Variants in ZFP14 observed in about 807,000 individuals in gnomAD.
ZFP14 encodes ZFP14 zinc finger protein, also known as zinc finger protein 14 homolog.
ZFP14 carries 22 observed loss-of-function variants against 54.5 expected under a neutral mutation model. The ratio of observed to expected loss-of-function variants is 0.40; its 90% CI spans 0.29 to 0.58. The LOEUF is 0.58. ZFP14 is among the 20% of genes least tolerant of loss of function. ZFP14 has a pLI of 0.39. For missense variants in ZFP14, 470 were observed against 637.8 expected, an observed-to-expected ratio of 0.74 and a Z score of 2.83; for synonymous variants, 159 against 204.0, an observed-to-expected ratio of 0.78 and a Z score of 1.88.
rs1279407551 is a variant in ZFP14, at chr19:36,353,442, TG to T, written c.235+6992del. ...TAGGCCGGGTGTGGTGGCTCACGCCTGTAATTCCAGCACTTTGGGAGGCCGA... is the reference window on the plus strand; with the variant it reads ...TAGGCCGGGTGTGGTGGCTCACGCCTTAATTCCAGCACTTTGGGAGGCCGA... On this transcript the variant is annotated intron_variant, in intron 4 of 4. Transcript: ENST00000270001. Among the ~76,000 whole-genome samples the T allele has an allele frequency of 1.4e-5, 2 of 142,802 alleles. 1 individual carries two copies. The highest frequency in any genetic ancestry group is 3.1e-5 in the Non-Finnish European group (2 of 64,396). The allele number at this position is 142,802 out of a possible 152,430, so 93.7% of individuals were successfully genotyped here.
rs985517022 is a variant in ZFP14, at chr19:36,336,702, TACC to T, written c.*3519_*3521del. The T allele has an allele frequency of 1.3e-5, 2 of 152,252 alleles. No individual in the cohort carries two copies. Among genetic ancestry groups the T allele is most frequent in the African/African-American group, 4.8e-5 (2 of 41,476 alleles). The allele number at this position is 152,252 out of a possible 1,614,324, so 9.4% of individuals were successfully genotyped here. On this transcript the variant is annotated 3_prime_UTR_variant, in exon 5 of 5. Coordinates refer to ENST00000270001, the MANE Select transcript of ZFP14 (RefSeq NM_020917.3). ...ACTGTATCCACAAATAAGATTTCCT[TACC>T]ACATTACAGGGCATTAATTTGTCAC...
At chr19:36,368,050 T>C in intron 1 of ZFP14, 79 bp from the exon 2 acceptor site, 1 of 790,238 alleles carries the variant, frequency 1.3e-6, no homozygotes, top group South Asian at 2.7e-5. Context: ...ATATGAAAAC[T>C]TTTTTCTCTT....
chr19:36,363,189 C>CTTTTCTTTTTTTTTTTTTTTT (rs1555755935), intron 2 of ZFP14, among the ~76,000 whole-genome samples: 4 of 97,752 alleles, frequency 4.1e-5, no homozygotes, highest in African/African-American at 7.9e-5. Context: ...CTTTTCTTTT[C>CTTTTCTTTTTTTTTTTTTTTT]TTTTTTTTTT....
At chr19:36,368,407 G>A (rs976872188) in intron 1 of ZFP14, among the ~76,000 whole-genome samples, 11 of 152,208 alleles carry the variant, frequency 7.2e-5, no homozygotes, top group Non-Finnish European at 1.6e-4. Context: ...GGCGGAGGTT[G>A]CGGTGAGCTG....
At chr19:36,351,714 C>T (rs1258150868) in intron 4 of ZFP14, among the ~76,000 whole-genome samples, 3 of 139,556 alleles carry the variant, frequency 2.1e-5, no homozygotes, top group Admixed American at 7.5e-5. Flanking sequence ...AACAAATTAG[C>T]CGGGCATGGT....
intron 1 of ZFP14, among the ~76,000 whole-genome samples, chr19:36,373,375 G>A (rs889423016): frequency 2.6e-5 from 4 of 152,104 alleles, no homozygotes; most frequent in Admixed American, 1.3e-4. Flanking sequence ...CAGAATCTGG[G>A]GTAGTTGGGG....
chr19:36,357,054 T>G (rs1481987864), intron 4 of ZFP14, among the ~76,000 whole-genome samples: 3 of 152,146 alleles, frequency 2.0e-5, no homozygotes, highest in Non-Finnish European at 4.4e-5. Flanking sequence ...TTTTATTTAT[T>G]TATTTTGAGA....
At chr19:36,378,104 A>C (rs1168510279) in intron 1 of ZFP14, 1 of 152,190 alleles carries the variant, frequency 6.6e-6, no homozygotes, top group African/African-American at 2.4e-5. Flanking sequence ...GACGAGAGAG[A>C]CGAGAAAAGC....
chr19:36,344,110 C>A (rs553157966), intron 4 of ZFP14, among the ~76,000 whole-genome samples: 47 of 152,290 alleles, frequency 3.1e-4, no homozygotes, highest in African/African-American at 1.1e-3. Flanking sequence ...TCAAGTAATT[C>A]TCCTGCCTCA....
intron 4 of ZFP14, among the ~76,000 whole-genome samples, chr19:36,357,040 A>G (rs966658291): frequency 2.0e-5 from 3 of 151,934 alleles, no homozygotes; most frequent in Admixed American, 6.6e-5. Context: ...CTAATGTCTT[A>G]ATTTTTTATT....
At chr19:36,350,028 G>A (rs1386775539) in intron 4 of ZFP14, among the ~76,000 whole-genome samples, 5 of 140,144 alleles carry the variant, frequency 3.6e-5, no homozygotes, top group African/African-American at 1.3e-4. Context: ...GTAGCTGGGT[G>A]TGGTGGTGCT....
intron 2 of ZFP14, among the ~76,000 whole-genome samples, chr19:36,364,054 A>T (rs1246643738): frequency 6.6e-6 from 1 of 151,886 alleles, no homozygotes; most frequent in Non-Finnish European, 1.5e-5. Flanking sequence ...CACATCCTGT[A>T]AAAATACACA....
At chr19:36,358,084 C>CTATG (rs760887351) in intron 4 of ZFP14, among the ~76,000 whole-genome samples, 1 of 146,350 alleles carries the variant, frequency 6.8e-6, no homozygotes, top group African/African-American at 2.5e-5. Flanking sequence ...ATCTATCTAT[C>CTATG]TATCTATCAT....
At chr19:36,353,794 C>G (rs2031568889) in intron 4 of ZFP14, among the ~76,000 whole-genome samples, 1 of 141,184 alleles carries the variant, frequency 7.1e-6, no homozygotes, top group Admixed American at 7.4e-5. Context: ...TCAGATGCAG[C>G]TGAGTGCAGT....
chr19:36,357,466 T>C (rs1006466757), intron 4 of ZFP14, among the ~76,000 whole-genome samples: 1 of 152,240 alleles, frequency 6.6e-6, no homozygotes, highest in Non-Finnish European at 1.5e-5. Flanking sequence ...GTAGCTTTTA[T>C]ATGTAGGTCT....
At chr19:36,363,969 G>A (rs532998564) in intron 2 of ZFP14, among the ~76,000 whole-genome samples, 3 of 150,820 alleles carry the variant, frequency 2.0e-5, no homozygotes, top group Non-Finnish European at 4.4e-5. Context: ...CAGCCTAGGC[G>A]ACAGAGTAAG....
chr19:36,362,246 A>C lies in ZFP14; in HGVS notation c.10-8T>G. The C allele has an allele frequency of 6.3e-7, 1 of 1,581,608 alleles. No individual in the cohort carries two copies. The highest frequency in any genetic ancestry group is 1.2e-5 in the South Asian group (1 of 85,372). ...CCTGAATGTCACTGAACCCTGAAAA[A>C]ACAAACTCAGGTATTACTTGTGAAA... On this transcript the variant is annotated splice_polypyrimidine_tract_variant and splice_region_variant and intron_variant, in intron 2 of 4. Transcript: ENST00000270001.
intron 1 of ZFP14, among the ~76,000 whole-genome samples, chr19:36,375,693 G>A (rs1157399702): frequency 6.6e-6 from 1 of 151,978 alleles, no homozygotes; most frequent in Non-Finnish European, 1.5e-5. Flanking sequence ...GAGTAGCTGG[G>A]ACTACAGGTG....
At chr19:36,357,476 TA>T (rs1423943570) in intron 4 of ZFP14, among the ~76,000 whole-genome samples, 1 of 152,244 alleles carries the variant, frequency 6.6e-6, no homozygotes, top group Non-Finnish European at 1.5e-5. Flanking sequence ...TATGTAGGTC[TA>T]AAAACCATCT....
Sources: gnomAD v4.1 joint callset for allele counts (sites outside exome capture counted in the v4.1 genomes callset) on GRCh38, gnomAD v4.1.1 for gene constraint, MANE v1.5 for transcripts, NCBI Gene and HGNC (gene_info 2026-07-23, HGNC 2026-07-21) for gene names.